The following LDLRAP1 variants were observed in gnomAD, a reference collection of about 807,000 sequenced individuals.
LDLRAP1 encodes the protein low density lipoprotein receptor adapter protein 1.
In LDLRAP1, 30 loss-of-function variants were observed where a neutral mutation model predicts 37.8. The observed-to-expected ratio is 0.79, with a 90% CI of 0.59 to 1.08. LDLRAP1 has a LOEUF of 1.08. LDLRAP1 is among the 50% of genes least tolerant of loss of function. The probability of loss-of-function intolerance (pLI) is 0.00; values close to 1 mark genes in which losing one functional copy is unlikely to be tolerated. For missense variants in LDLRAP1, 375 were observed against 401.6 expected (o/e 0.93, Z 0.57); for synonymous variants, 156 against 169.8 (o/e 0.92, Z 0.63).
chr1:25,583,146 G>C, the LDLRAP1 span, among the ~76,000 whole-genome samples: 1 of 149,398 alleles, frequency 6.7e-6, no homozygotes, highest in African/African-American at 2.5e-5. Flanking sequence ...AATTATCTTT[G>C]CTCCTCTGTA....
chr1:25,574,353 G>T, the LDLRAP1 span, among the ~76,000 whole-genome samples: 1 of 152,256 alleles, frequency 6.6e-6, no homozygotes, highest in East Asian at 1.9e-4. Context: ...GCAATGCAGA[G>T]ACTGAGGCTC....
chr1:25,579,187 G>A, the LDLRAP1 span, among the ~76,000 whole-genome samples: 1 of 152,306 alleles, frequency 6.6e-6, no homozygotes, highest in Non-Finnish European at 1.5e-5. Flanking sequence ...CACACAGTCT[G>A]TTCTTGCAAG....
At chr1:25,546,813 T>A (rs1389807318) in intron 1 of LDLRAP1, among the ~76,000 whole-genome samples, 1 of 143,656 alleles carries the variant, frequency 7.0e-6, no homozygotes, top group African/African-American at 3.0e-5. Flanking sequence ...TCATAAACTT[T>A]CTTATGGGTT....
the LDLRAP1 span, among the ~76,000 whole-genome samples, chr1:25,582,716 C>T: frequency 2.0e-5 from 3 of 152,082 alleles, no homozygotes; most frequent in Non-Finnish European, 4.4e-5. Context: ...GACTTGAATC[C>T]CCATCCTTTT....
At chr1:25,573,735 G>A (rs1213463916), downstream of LDLRAP1, among the ~76,000 whole-genome samples, 4 of 152,204 alleles carry the variant, frequency 2.6e-5, no homozygotes, top group Admixed American at 1.3e-4. Flanking sequence ...GTGAGGCCAT[G>A]AACTGACCTG....
At chr1:25,583,947 T>G in the LDLRAP1 span, among the ~76,000 whole-genome samples, 1 of 152,204 alleles carries the variant, frequency 6.6e-6, no homozygotes, top group African/African-American at 2.4e-5. Context: ...TTCGTCACGT[T>G]GTAGCACATG....
downstream of LDLRAP1, among the ~76,000 whole-genome samples, chr1:25,570,902 T>C (rs2044596356): frequency 6.6e-6 from 1 of 152,138 alleles, no homozygotes; most frequent in Non-Finnish European, 1.5e-5. Context: ...CTGTTAGGTC[T>C]TTTGCACCTA....
the LDLRAP1 span, among the ~76,000 whole-genome samples, chr1:25,574,482 CG>C: frequency 5.3e-5 from 8 of 152,274 alleles, no homozygotes; most frequent in South Asian, 2.1e-4. Flanking sequence ...GTTGTCTGAG[CG>C]GGGGGCTTCC....
the LDLRAP1 span, chr1:25,581,703 G>A: frequency 1.3e-5 from 2 of 152,476 alleles, no homozygotes; most frequent in African/African-American, 4.8e-5. Flanking sequence ...CCCCGGGAGG[G>A]GCAGGGACCT....
downstream of LDLRAP1, among the ~76,000 whole-genome samples, chr1:25,572,923 G>T (rs904505987): frequency 5.3e-5 from 8 of 152,174 alleles, no homozygotes; most frequent in Non-Finnish European, 1.2e-4. Flanking sequence ...AGAAGAGGGG[G>T]CATGGAGCTG....
intron 1 of LDLRAP1, among the ~76,000 whole-genome samples, chr1:25,552,586 G>T (rs1322679668): frequency 6.6e-6 from 1 of 152,218 alleles, no homozygotes; most frequent in Non-Finnish European, 1.5e-5. Context: ...ATCTGTGAGG[G>T]TTTCCTCTCT....
intron 8 of LDLRAP1, 110 bp from the exon 9 acceptor site, chr1:25,566,738 C>A (rs758045059): frequency 4.4e-6 from 6 of 1,366,874 alleles, no homozygotes; most frequent in Non-Finnish European, 6.1e-6. Flanking sequence ...CCGGGGGCTT[C>A]CTTCTTGGGC....
intron 4 of LDLRAP1, among the ~76,000 whole-genome samples, chr1:25,559,239 G>A (rs944803975): frequency 6.6e-6 from 1 of 152,120 alleles, no homozygotes; most frequent in Non-Finnish European, 1.5e-5. Context: ...CCTGCCCGCT[G>A]ACCAGGGCAG....
chr1:25,564,265 A>G, intron 7 of LDLRAP1: 1 of 172,540 alleles, frequency 5.8e-6, no homozygotes, highest in Non-Finnish European at 1.3e-5. Flanking sequence ...CTGCCAACGG[A>G]ATCTCCCCGA....
chr1:25,583,321 CT>C, the LDLRAP1 span, among the ~76,000 whole-genome samples: 1 of 151,276 alleles, frequency 6.6e-6, no homozygotes, highest in Admixed American at 6.6e-5. Context: ...TCCCGAATAG[CT>C]GGGATTACAG....
intron 1 of LDLRAP1, among the ~76,000 whole-genome samples, chr1:25,546,690 G>A (rs953414236): frequency 7.2e-5 from 11 of 152,286 alleles, no homozygotes; most frequent in African/African-American, 2.6e-4. Context: ...GAAATAGGAG[G>A]TGCAGGTTCC....
intron 6 of LDLRAP1, 58 bp downstream of exon 6, chr1:25,563,211 A>AG (rs1035238434): frequency 7.4e-6 from 11 of 1,482,722 alleles, no homozygotes; most frequent in African/African-American, 1.4e-5. Context: ...CGCTTCACCC[A>AG]GGGGGGTCCC....
the LDLRAP1 span, among the ~76,000 whole-genome samples, chr1:25,577,414 C>T: frequency 6.6e-6 from 1 of 152,058 alleles, no homozygotes; most frequent in East Asian, 1.9e-4. Context: ...CCAGGTGGCC[C>T]TGTGGGCAGG....
At chr1:25,584,883 T>C in the LDLRAP1 span, among the ~76,000 whole-genome samples, 1 of 152,210 alleles carries the variant, frequency 6.6e-6, no homozygotes, top group Non-Finnish European at 1.5e-5. Flanking sequence ...GCTGCTATCC[T>C]GTTCCACCTA....
Sources: allele counts gnomAD v4.1 joint callset (sites outside exome capture counted in the v4.1 genomes callset), GRCh38; gene constraint gnomAD v4.1.1; transcripts MANE v1.5; gene names NCBI Gene and HGNC (gene_info 2026-07-23, HGNC 2026-07-21).